CELSR1: variants seen among roughly 807,000 people sequenced by gnomAD.
CELSR1 encodes the protein adhesion G protein-coupled receptor C1.
In CELSR1, 110 loss-of-function variants were observed where a neutral mutation model predicts 249.1. The ratio of observed to expected loss-of-function variants is 0.44; its 90% CI spans 0.38 to 0.52. The LOEUF is 0.52. CELSR1 is among the 20% of genes least tolerant of loss of function. The probability of loss-of-function intolerance (pLI) is 0.00; values close to 1 mark genes in which losing one functional copy is unlikely to be tolerated. For missense variants in CELSR1, 4,109 were observed against 4,296.4 expected (o/e 0.96, Z 1.22); for synonymous variants, 2,113 against 1,900.0 (o/e 1.11, Z -2.92).
At position 46,463,821 on chromosome 22, in the gene CELSR1, C is replaced by T. The variant is rs960147942; in HGVS notation, c.4069G>A (p.Gly1357Ser). The T allele has an allele frequency of 3.1e-6, 5 of 1,610,816 alleles. No homozygotes were observed. Among genetic ancestry groups the T allele is most frequent in the Non-Finnish European group, 4.2e-6 (5 of 1,178,542 alleles). Residue 1357 changes from glycine to serine, a missense_variant, in exon 2 of 35, where the codon GGC becomes AGC. Physicochemically the swap from Gly to Ser is moderately conservative, Grantham distance 56 (BLOSUM62 0). This residue lies in a region of CELSR1 where 141 missense variants were observed against 209.4 expected (regional missense o/e 0.67). Coordinates refer to ENST00000674500, the MANE Select transcript of CELSR1 (RefSeq NM_001378328.1). ...TCGATCTCCGTCTCGCAGTAGTCGC[C>T]GGTGAAGCCGGGCGGGCAGCGGCAG... Reference protein sequence around the residue: ...LRCRCPPGFTGDYCETEIDLC... With the variant: ...LRCRCPPGFTSDYCETEIDLC...
At chr22:46,481,678 C>T (rs960359665) in intron 1 of CELSR1, 5 of 603,818 alleles carry the variant, frequency 8.3e-6, no homozygotes, top group Non-Finnish European at 1.5e-5. Context: ...GATGTTCTCT[C>T]TCTCCAGACT....
At position 46,411,633 on chromosome 22, in the gene CELSR1, C is replaced by A; in HGVS notation, c.4738G>T (p.Ala1580Ser). Residue 1580 changes from alanine to serine, a missense_variant, in exon 6 of 35, where the codon GCT becomes TCT. This residue lies in a region of CELSR1 where 453 missense variants were observed against 492.0 expected (regional missense o/e 0.92). Transcript: ENST00000674500. The surrounding 1 kb of genome is among the most constrained non-coding windows in gnomAD (Gnocchi z 4.2). The stretch of plus-strand genomic sequence containing the variant: ...GAGCCGGTCTGAGTGCCCTGGGCAG[C>A]GCAGCTGTAGTTCCCGATGTCCTTT... ...FGKDIGNYSC[A>S]AQGTQTGSKK... The A allele has an allele frequency of 1.9e-6, 3 of 1,614,160 alleles. No homozygotes were observed. Among genetic ancestry groups the A allele is most frequent in the Non-Finnish European group, 2.5e-6 (3 of 1,180,028 alleles).
intron 1 of CELSR1, among the ~76,000 whole-genome samples, chr22:46,499,654 C>T (rs921455428): frequency 2.0e-5 from 3 of 152,156 alleles, no homozygotes; most frequent in African/African-American, 7.2e-5. Flanking sequence ...TGTAACATGA[C>T]CCACACCCCC....
At chr22:46,485,143 C>T (rs958939231) in intron 1 of CELSR1, among the ~76,000 whole-genome samples, 1 of 152,116 alleles carries the variant, frequency 6.6e-6, no homozygotes, top group Non-Finnish European at 1.5e-5. Context: ...TGTGTGTTAG[C>T]ATCCTTGCTT....
chr22:46,381,777 T>A lies in CELSR1; in HGVS notation c.7088+69A>T. 1 of 1,384,142 alleles carries A rather than the reference T, an allele frequency of 7.2e-7. No homozygotes were observed. Among genetic ancestry groups the A allele is most frequent in the Non-Finnish European group, 9.8e-7 (1 of 1,020,320 alleles). The allele number at this position is 1,384,142 out of a possible 1,614,324, so 85.7% of individuals were successfully genotyped here. On this transcript the variant is annotated intron_variant, in intron 21 of 34. Coordinates refer to ENST00000674500, the MANE Select transcript of CELSR1 (RefSeq NM_001378328.1). The surrounding 1 kb of genome is among the most constrained non-coding windows in gnomAD (Gnocchi z 6.0). ...ACCTGTGCTTGATCAGGATCAGGATTTTGACCTGTGGAAGCCTCAGGAGCC... is the reference window on the plus strand; with the variant it reads ...ACCTGTGCTTGATCAGGATCAGGATATTGACCTGTGGAAGCCTCAGGAGCC...
chr22:46,459,134 T>A (rs1008967265), intron 2 of CELSR1, among the ~76,000 whole-genome samples: 9 of 152,168 alleles, frequency 5.9e-5, no homozygotes, highest in African/African-American at 2.2e-4. Context: ...GTGATCCACG[T>A]GCCTCGGCCT....
rs1397969556 is a variant in CELSR1 at position 46,363,234 on chromosome 22, T to C, written c.9049A>G (p.Thr3017Ala). 1.2e-6 allele frequency: 2 copies of C among 1,602,318 alleles called. No homozygotes were observed. The highest frequency in any genetic ancestry group is 2.2e-5 in the East Asian group (1 of 44,878). ...TCATTACTGATGGTTCAAATTGAAG[T>C]TTCATTACTGCCTCTGCGCGTGGGA... ...DGSDSEGSNE[T>A]SI is the part of the protein sequence containing the mutation. The change falls in exon 35 of 35, where the codon ACT becomes GCT. Residue 3017 changes from threonine (T) to alanine (A), a missense_variant. Around this residue, in one of 7 missense-constraint regions of CELSR1, gnomAD observed 1,805 missense variants for 1,831.6 expected, o/e 0.99. Transcript: ENST00000674500. The surrounding 1 kb of genome is among the most constrained non-coding windows in gnomAD (Gnocchi z 4.3).
chr22:46,420,971 G>A (rs573230898), intron 5 of CELSR1, among the ~76,000 whole-genome samples: 6 of 152,212 alleles, frequency 3.9e-5, no homozygotes, highest in Admixed American at 6.5e-5. Flanking sequence ...CGGATGGCAC[G>A]TCCCAGAGCA....
chr22:46,520,681 C>T (rs563209417), intron 1 of CELSR1, among the ~76,000 whole-genome samples: 51 of 152,194 alleles, frequency 3.4e-4, no homozygotes, highest in Non-Finnish European at 5.6e-4. Flanking sequence ...AGGCTGATCT[C>T]GAGCTCCTGA....
chr22:46,378,481 C>T, intron 23 of CELSR1, 110 bp downstream of exon 23: 2 of 1,248,314 alleles, frequency 1.6e-6, no homozygotes, highest in Admixed American at 2.0e-5. Flanking sequence ...TGGGGGCAGG[C>T]TCAGCAGGTT....
chr22:46,479,789 C>T (rs1406001692), intron 1 of CELSR1, among the ~76,000 whole-genome samples: 3 of 152,142 alleles, frequency 2.0e-5, no homozygotes, highest in Non-Finnish European at 4.4e-5. Context: ...GGTGCCATGC[C>T]GGAGCAGGAA....
At chr22:46,404,650 G>T (rs1332901808) in intron 9 of CELSR1, among the ~76,000 whole-genome samples, 1 of 152,016 alleles carries the variant, frequency 6.6e-6, no homozygotes, top group Non-Finnish European at 1.5e-5. Context: ...ATGCACACCT[G>T]GCTAATTTTT....
At chr22:46,383,815 A>T (rs1277644875) in intron 20 of CELSR1, among the ~76,000 whole-genome samples, 2 of 152,228 alleles carry the variant, frequency 1.3e-5, no homozygotes, top group African/African-American at 2.4e-5. Context: ...TACAGGCATG[A>T]GCCACTGCGC....
In CELSR1 at chr22:46,512,433, G is replaced by A. The variant is rs1182162309; in HGVS notation, c.3544+21194C>T. 6.6e-6 allele frequency among the ~76,000 whole-genome samples: 1 copy of A among 152,172 alleles called. No individual in the cohort carries two copies. Among genetic ancestry groups the A allele is most frequent in the Non-Finnish European group, 1.5e-5 (1 of 68,026 alleles). On this transcript the variant is annotated intron_variant, in intron 1 of 34. Coordinates refer to ENST00000674500, the MANE Select transcript of CELSR1 (RefSeq NM_001378328.1). The surrounding 1 kb of genome is among the most constrained non-coding windows in gnomAD (Gnocchi z 5.2). ...TAAAATACAAAAAAATTAGCCCGGT[G>A]TGGTGGTGTACACCTATAATCCCAG...
chr22:46,423,022 C>G lies in CELSR1; in HGVS notation c.4611+10371G>C, dbSNP rs2079495643. The stretch of plus-strand genomic sequence containing the variant: ...TGCCACCAATGGTCCATGTCTCTAC[C>G]TAGAGGCTGGGCTTGGCCACATGAC... On this transcript the variant is annotated intron_variant, in intron 5 of 34. Coordinates refer to ENST00000674500, the MANE Select transcript of CELSR1 (RefSeq NM_001378328.1). This position sits in a 1 kb window ranked among gnomAD's most constrained non-coding sequence, Gnocchi z 5.6. Among the ~76,000 whole-genome samples the G allele has an allele frequency of 6.6e-6, 1 of 152,202 alleles. No homozygotes were observed. Among genetic ancestry groups the G allele is most frequent in the Non-Finnish European group, 1.5e-5 (1 of 68,032 alleles).
rs1345773745 is a variant in CELSR1 at position 46,433,388 on chromosome 22, C to T, written c.4611+5G>A. 2.5e-6 allele frequency: 4 copies of T among 1,612,532 alleles called. No individual in the cohort carries two copies. Among genetic ancestry groups the T allele is most frequent in the Non-Finnish European group, 2.5e-6 (3 of 1,179,082 alleles). ...GCCAGGGGGAAGTGGTGGGGCCCAT[C>T]TTACCTTGTTGTAGTACTGCACCTG... On this transcript the variant is annotated splice_donor_5th_base_variant and intron_variant, in intron 5 of 34. Transcript: ENST00000674500. This position sits in a 1 kb window ranked among gnomAD's most constrained non-coding sequence, Gnocchi z 5.7.
chr22:46,534,922 A>G lies in CELSR1; in HGVS notation c.2249T>C (p.Leu750Pro). The G allele has an allele frequency of 6.2e-7, 1 of 1,612,486 alleles. No individual in the cohort carries two copies. Among genetic ancestry groups the G allele is most frequent in the Non-Finnish European group, 8.5e-7 (1 of 1,179,984 alleles). The change falls in exon 1 of 35, where the codon CTG (leucine) becomes CCG (proline). Residue 750 changes from leucine (L) to proline (P), a missense_variant. By Grantham distance (98) the Leu-to-Pro change is moderately conservative. This residue lies in a region of CELSR1 where 886 missense variants were observed against 896.5 expected (regional missense o/e 0.99). Transcript: ENST00000674500. This position sits in a 1 kb window ranked among gnomAD's most constrained non-coding sequence, Gnocchi z 9.7. Reference sequence around the variant, plus strand: ...GTACTGCTGCTCCTGCTTGTAGTCCAGAGGTAGCGCCAGGGTGATGAGGCC... The same window carrying G: ...GTACTGCTGCTCCTGCTTGTAGTCCGGAGGTAGCGCCAGGGTGATGAGGCC... ...GGGLITLALP[L>P]DYKQEQQYVL...
rs2080294484 is a variant in CELSR1 at position 46,484,332 on chromosome 22, C to T, written c.3545-19987G>A. Among the ~76,000 whole-genome samples, 1 of 152,146 alleles carries T rather than the reference C, an allele frequency of 6.6e-6. No individual in the cohort carries two copies. The highest frequency in any genetic ancestry group is 6.5e-5 in the Admixed American group (1 of 15,282). On this transcript the variant is annotated intron_variant, in intron 1 of 34. Coordinates refer to ENST00000674500, the MANE Select transcript of CELSR1 (RefSeq NM_001378328.1). The surrounding 1 kb of genome is among the most constrained non-coding windows in gnomAD (Gnocchi z 4.5). ...CCCTCCTTCCACCAGCCCAGCCCAGCCCATGGTGGCAGCTGCCTCGGGCCC... is the reference window on the plus strand; with the variant it reads ...CCCTCCTTCCACCAGCCCAGCCCAGTCCATGGTGGCAGCTGCCTCGGGCCC...
rs932870428 is a variant in CELSR1, at chr22:46,395,267, C to T, written c.5844-1005G>A. 3.9e-5 allele frequency among the ~76,000 whole-genome samples: 6 copies of T among 152,194 alleles called. No individual in the cohort carries two copies. The highest frequency in any genetic ancestry group is 2.0e-4 in the Admixed American group (3 of 15,282). ...CTGGATCAGCCTCTTGGCAACTCCC[C>T]CTGCTCCAAGCTGTGCTCCATGCGG... On this transcript the variant is annotated intron_variant, in intron 13 of 34. Transcript: ENST00000674500. The surrounding 1 kb of genome is among the most constrained non-coding windows in gnomAD (Gnocchi z 5.5).
Sources: gnomAD v4.1 joint callset for allele counts (sites outside exome capture counted in the v4.1 genomes callset) on GRCh38, gnomAD v4.1.1 for gene constraint, gnomAD v4.1.1 regional missense constraint, Gnocchi (gnomAD v3.1) non-coding constraint, MANE v1.5 for transcripts, NCBI Gene and HGNC (gene_info 2026-07-23, HGNC 2026-07-21) for gene names.